The following ATAD2 variants were observed in gnomAD, a reference collection of about 807,000 sequenced individuals.
The protein encoded by ATAD2 is ATPase family AAA domain-containing protein 2.
ATAD2 carries 62 observed loss-of-function variants against 168.9 expected under a neutral mutation model. The observed-to-expected ratio is 0.37, with a 90% confidence interval of 0.30 to 0.45. The LOEUF (loss-of-function observed/expected upper bound fraction) is 0.45. Ranked by LOEUF, ATAD2 falls within the 20% of genes least tolerant of loss-of-function variation. The pLI is 1.00. For synonymous variants in ATAD2, 613 were observed against 571.6 expected (o/e 1.07, Z -1.03); for missense variants, 1,419 against 1,667.8 (o/e 0.85, Z 2.60).
intron 13 of ATAD2, among the ~76,000 whole-genome samples, chr8:123,354,044 G>T (rs902761576): frequency 3.3e-5 from 5 of 152,122 alleles, no homozygotes; most frequent in African/African-American, 9.7e-5. Flanking sequence ...TGAGGCAGGA[G>T]AATTGCTTGA....
upstream of ATAD2, among the ~76,000 whole-genome samples, chr8:123,397,943 A>T (rs922710302): frequency 2.0e-5 from 3 of 152,108 alleles, no homozygotes; most frequent in Admixed American, 1.3e-4. Context: ...GGCGAGGCCA[A>T]TGAGAACAGA....
At position 123,388,382 on chromosome 8, in the gene ATAD2, CTTATT is replaced by C. The variant is rs997818300; in HGVS notation, c.172-7710_172-7706del. ...CCTGGCTACTGATTATGTATTTTAT[CTTATT>C]TTATTTTATTATTTTGAGACGGAGT... On this transcript the variant is annotated intron_variant, in intron 1 of 27. Transcript: ENST00000287394. Among the ~76,000 whole-genome samples, 19 of 152,062 alleles carry C rather than the reference CTTATT, an allele frequency of 1.2e-4. No homozygotes were observed. In the East Asian group the frequency reaches 1.7e-3, roughly 14 times the overall value.
chr8:123,330,243 G>C (rs566254533), intron 24 of ATAD2, among the ~76,000 whole-genome samples: 1 of 152,150 alleles, frequency 6.6e-6, no homozygotes, highest in East Asian at 1.9e-4. Flanking sequence ...TACCACCTTA[G>C]CCTCCCAAAG....
At chr8:123,365,967 C>CA (rs1828964554) in intron 8 of ATAD2, among the ~76,000 whole-genome samples, 1 of 152,128 alleles carries the variant, frequency 6.6e-6, no homozygotes, top group African/African-American at 2.4e-5. Flanking sequence ...AAGGAAGAAT[C>CA]AGCAGAGTAA....
At chr8:123,413,702 C>T (rs964929692) in intron 1 of ATAD2, among the ~76,000 whole-genome samples, 1 of 152,008 alleles carries the variant, frequency 6.6e-6, no homozygotes, top group Non-Finnish European at 1.5e-5. Context: ...CATGCTACTG[C>T]TTTTCAAGAC....
intron 1 of ATAD2, among the ~76,000 whole-genome samples, chr8:123,393,418 G>C (rs1281513043): frequency 6.6e-6 from 1 of 151,956 alleles, no homozygotes; most frequent in Non-Finnish European, 1.5e-5. Context: ...GGCTGAGGTG[G>C]AGAATCACTT....
At position 123,370,128 on chromosome 8, in the gene ATAD2, T is replaced by C. The variant is rs924462025; in HGVS notation, c.728-104A>G. On this transcript the variant is annotated intron_variant, in intron 6 of 27. Transcript: ENST00000287394. ...GAAAGATCCACCCTTTTAAAACTTA[T>C]CTACTCCTAAAAAAAAAAAAACAAC... is the stretch of plus-strand genomic sequence containing the variant. 30 of 970,774 alleles carry C rather than the reference T, an allele frequency of 3.1e-5. No individual in the cohort carries two copies. In the Middle Eastern group the frequency reaches 1.2e-3, roughly 39 times the overall value. The allele number at this position is 970,774 out of a possible 1,614,324, so 60.1% of individuals were successfully genotyped here. A position where few individuals can be genotyped will look rare whatever the true frequency, so the allele number is the denominator to read the frequency against.
intron 22 of ATAD2, among the ~76,000 whole-genome samples, chr8:123,335,440 C>A (rs917380945): frequency 6.6e-6 from 1 of 152,136 alleles, no homozygotes; most frequent in Admixed American, 6.5e-5. Context: ...CTATACTAAT[C>A]AATCTAACTA....
At chr8:123,354,701 G>T (rs1359645757) in intron 13 of ATAD2, among the ~76,000 whole-genome samples, 1 of 151,406 alleles carries the variant, frequency 6.6e-6, no homozygotes, top group East Asian at 1.9e-4. Flanking sequence ...AGCTGGGCAT[G>T]GTGGGGCACA....
chr8:123,344,719 T>C, intron 19 of ATAD2, 165 bp downstream of exon 19: 1 of 724,084 alleles, frequency 1.4e-6, no homozygotes, highest in South Asian at 1.8e-5. Flanking sequence ...TATACCATCT[T>C]GCCCAATGAG....
At chr8:123,392,898 G>A (rs891760645) in intron 1 of ATAD2, among the ~76,000 whole-genome samples, 2 of 152,144 alleles carry the variant, frequency 1.3e-5, no homozygotes, top group African/African-American at 2.4e-5. Flanking sequence ...AAGATTCACT[G>A]CATTTGCTGG....
chr8:123,327,783 A>G (rs1827654603), intron 25 of ATAD2, among the ~76,000 whole-genome samples: 1 of 152,218 alleles, frequency 6.6e-6, no homozygotes, highest in Non-Finnish European at 1.5e-5. Flanking sequence ...AGTTGTTCAT[A>G]CCACTCAGCA....
chr8:123,368,746 C>T lies in ATAD2; in HGVS notation c.1049+312G>A, dbSNP rs187644022. Among the ~76,000 whole-genome samples, 12 of 152,212 alleles carry T rather than the reference C, an allele frequency of 7.9e-5. No individual in the cohort carries two copies. The East Asian group carries it at 9.6e-4, about 12-fold the overall frequency. ...TGTGAAGATTAAATGAAACAATCTA[C>T]GTAAAATGCTTAACACAGAGCCAGG... is the stretch of plus-strand genomic sequence containing the variant. On this transcript the variant is annotated intron_variant, in intron 8 of 27. Coordinates refer to ENST00000287394, the MANE Select transcript of ATAD2 (RefSeq NM_014109.4).
intron 13 of ATAD2, among the ~76,000 whole-genome samples, chr8:123,351,882 G>T (rs901596239): frequency 5.9e-5 from 9 of 151,870 alleles, no homozygotes; most frequent in African/African-American, 2.2e-4. Flanking sequence ...CGAGTAGCTG[G>T]GACTACAGGC....
At chr8:123,329,733 C>T (rs1013349973) in intron 24 of ATAD2, among the ~76,000 whole-genome samples, 3 of 119,036 alleles carry the variant, frequency 2.5e-5, no homozygotes, top group South Asian at 2.7e-4. Flanking sequence ...GCTTGCGTGA[C>T]GCAACTCCGT....
chr8:123,410,526 A>G (rs1813138961), intron 1 of ATAD2, among the ~76,000 whole-genome samples: 1 of 120,766 alleles, frequency 8.3e-6, no homozygotes, highest in Non-Finnish European at 1.7e-5. Flanking sequence ...ACGTCAAGTG[A>G]TCCACCCGCC....
intron 1 of ATAD2, among the ~76,000 whole-genome samples, chr8:123,387,773 A>AAGTATACACACAATGG (rs1385854831): frequency 6.6e-6 from 1 of 152,210 alleles, no homozygotes; most frequent in Non-Finnish European, 1.5e-5. Flanking sequence ...AGTTTTCCTA[A>AAGTATACACACAATGG]AGTATACACA....
chr8:123,359,835 T>C, intron 9 of ATAD2, 150 bp from the exon 10 acceptor site: 1 of 596,596 alleles, frequency 1.7e-6, no homozygotes, highest in Non-Finnish European at 2.9e-6. Context: ...TTCCTCATTT[T>C]CTGTAATAGG....
chr8:123,397,239 T>TGAAAAAAAAAAAAA (rs1563869628), upstream of ATAD2, among the ~76,000 whole-genome samples: 1 of 79,626 alleles, frequency 1.3e-5, no homozygotes, highest in Non-Finnish European at 2.4e-5. Context: ...AGACTCTGTC[T>TGAAAAAAAAAAAAA]CAAAAAAAAA....
Sources: gnomAD v4.1 joint callset for allele counts (sites outside exome capture counted in the v4.1 genomes callset) on GRCh38, gnomAD v4.1.1 for gene constraint, MANE v1.5 for transcripts, NCBI Gene and HGNC (gene_info 2026-07-23, HGNC 2026-07-21) for gene names.